Variants in CAB39L observed in about 807,000 individuals in gnomAD.
The protein encoded by CAB39L is calcium-binding protein 39-like.
Under a neutral mutation model 39.1 loss-of-function variants are expected in CAB39L, and 23 were observed. The observed-to-expected ratio is 0.59, with a 90% CI of 0.42 to 0.83. The LOEUF is 0.83. Ranked by LOEUF, CAB39L falls within the 40% of genes least tolerant of loss-of-function variation. The pLI is 0.00. For missense variants in CAB39L, 366 were observed against 391.9 expected, an observed-to-expected ratio of 0.93 and a Z score of 0.56; for synonymous variants, 126 against 137.2, an observed-to-expected ratio of 0.92 and a Z score of 0.57.
chr13:49,344,239 C>T lies in CAB39L; in HGVS notation c.565-1G>A, dbSNP rs766085132. 6.3e-7 allele frequency: 1 copy of T among 1,581,024 alleles called. No homozygotes were observed. Among genetic ancestry groups the T allele is most frequent in the Admixed American group, 1.7e-5 (1 of 59,204 alleles). On this transcript the variant is annotated splice_acceptor_variant, in intron 7 of 10. Coordinates refer to ENST00000409308, the MANE Select transcript of CAB39L (RefSeq NM_001079670.3). LOFTEE classifies it high-confidence loss of function. ...ACACTTTATGTCTGGTTAGTAAATC[C>T]TAGAAAAAGAAAAACCAAGTGAAAC...
At chr13:49,360,296 C>T (rs1487962594) in intron 5 of CAB39L, among the ~76,000 whole-genome samples, 2 of 152,200 alleles carry the variant, frequency 1.3e-5, no homozygotes, top group East Asian at 3.9e-4. Flanking sequence ...GTATTTTTTG[C>T]TTTCACGTTA....
At chr13:49,334,839 A>C (rs947470670) in intron 9 of CAB39L, among the ~76,000 whole-genome samples, 1 of 152,222 alleles carries the variant, frequency 6.6e-6, no homozygotes, top group Non-Finnish European at 1.5e-5. Flanking sequence ...CTCAAGATGA[A>C]GGGTAACCTG....
At chr13:49,370,517 T>C (rs1458435226) in intron 5 of CAB39L, among the ~76,000 whole-genome samples, 1 of 152,192 alleles carries the variant, frequency 6.6e-6, no homozygotes, top group African/African-American at 2.4e-5. Flanking sequence ...CCTCTGGCCC[T>C]CTTTTGGTCA....
chr13:49,341,399 C>T (rs1296387386), intron 8 of CAB39L, among the ~76,000 whole-genome samples: 5 of 152,040 alleles, frequency 3.3e-5, no homozygotes, highest in African/African-American at 1.2e-4. Flanking sequence ...ATTACAGGCA[C>T]CCGCCACCAC....
chr13:49,391,503 T>A (rs540032396), intron 3 of CAB39L, among the ~76,000 whole-genome samples: 120 of 152,268 alleles, frequency 7.9e-4, no homozygotes, highest in African/African-American at 2.8e-3. Context: ...GCAAAATGTT[T>A]TTTAAAAAAT....
chr13:49,356,155 G>C (rs1375756254), intron 6 of CAB39L, among the ~76,000 whole-genome samples: 1 of 152,142 alleles, frequency 6.6e-6, no homozygotes, highest in Non-Finnish European at 1.5e-5. Context: ...GTCACCAACT[G>C]AACCCATTGC....
chr13:49,339,462 T>C (rs1443356647), intron 9 of CAB39L, among the ~76,000 whole-genome samples: 2 of 152,204 alleles, frequency 1.3e-5, no homozygotes, highest in Non-Finnish European at 2.9e-5. Flanking sequence ...TTACTTATCA[T>C]GTACTTATAT....
chr13:49,435,935 A>G (rs905153507), intron 1 of CAB39L, among the ~76,000 whole-genome samples: 3 of 152,238 alleles, frequency 2.0e-5, no homozygotes, highest in Admixed American at 6.5e-5. Flanking sequence ...TCTTTGTGAT[A>G]TAAGTCCAAA....
rs1953915175 is a variant in CAB39L, at chr13:49,309,065, CT to C, written c.*1748del. 1 of 152,200 alleles carries C rather than the reference CT, an allele frequency of 6.6e-6. No homozygotes were observed. The highest frequency in any genetic ancestry group is 1.5e-5 in the Non-Finnish European group (1 of 68,036). 9.4% of individuals were successfully genotyped at this position (152,200 alleles called of 1,614,324 possible). A position where few individuals can be genotyped will look rare whatever the true frequency, so the allele number is the denominator to read the frequency against. On this transcript the variant is annotated 3_prime_UTR_variant, in exon 11 of 11. Coordinates refer to ENST00000409308, the MANE Select transcript of CAB39L (RefSeq NM_001079670.3). Reference sequence around the variant, plus strand: ...GGTTATTTCACCTTCATTTTTTATACTTACACTCATCTCTTTTAATTAAATA... The same window carrying C: ...GGTTATTTCACCTTCATTTTTTATACTACACTCATCTCTTTTAATTAAATA...
chr13:49,376,622 G>A (rs1300509898), intron 5 of CAB39L, among the ~76,000 whole-genome samples: 1 of 151,918 alleles, frequency 6.6e-6, no homozygotes, highest in Non-Finnish European at 1.5e-5. Flanking sequence ...TATAACATGG[G>A]GCTAATAATA....
intron 10 of CAB39L, among the ~76,000 whole-genome samples, chr13:49,313,115 T>G (rs1490037930): frequency 6.6e-6 from 1 of 152,208 alleles, no homozygotes; most frequent in African/African-American, 2.4e-5. Flanking sequence ...CAAACGTGAA[T>G]AGTCCTCCTC....
In CAB39L at chr13:49,359,784, T is replaced by C. The variant is rs773269193; in HGVS notation, c.325A>G (p.Ile109Val). The stretch of plus-strand genomic sequence containing the variant: ...TCCACAGTAGGACTCCGAGTGCCTA[T>C]CTGTCTTCTCAAGATGTTGTTAAAT... ...QIFNNILRRQIGTRSPTVEYI... is the reference protein window; with the variant it reads ...QIFNNILRRQVGTRSPTVEYI... Residue 109 changes from isoleucine to valine, a missense_variant, in exon 6 of 11, where the codon ATA (isoleucine) becomes GTA (valine). Transcript: ENST00000409308. 17 of 1,613,148 alleles carry C rather than the reference T, an allele frequency of 1.1e-5. No homozygotes were observed. Among genetic ancestry groups the C allele is most frequent in the Admixed American group, 3.3e-5 (2 of 59,976 alleles).
In CAB39L at chr13:49,309,176, G is replaced by A. The variant is rs1265838683; in HGVS notation, c.*1638C>T. ...ATAATCTGACGTCAGTGACTAAAGA[G>A]TACGGGTCATCAGGCTGCCGGCCGG... is the stretch of plus-strand genomic sequence containing the variant. On this transcript the variant is annotated 3_prime_UTR_variant, in exon 11 of 11. Transcript: ENST00000409308. 1 of 152,256 alleles carries A rather than the reference G, an allele frequency of 6.6e-6. No homozygotes were observed. The highest frequency in any genetic ancestry group is 6.5e-5 in the Admixed American group (1 of 15,284). The allele number at this position is 152,256 out of a possible 1,614,324, so 9.4% of individuals were successfully genotyped here. A position where few individuals can be genotyped will look rare whatever the true frequency, so the allele number is the denominator to read the frequency against.
chr13:49,331,044 A>G (rs1187398923), intron 10 of CAB39L, among the ~76,000 whole-genome samples: 1 of 152,192 alleles, frequency 6.6e-6, no homozygotes, highest in Non-Finnish European at 1.5e-5. Flanking sequence ...TACACTGTGA[A>G]TACAGCTGTA....
intron 6 of CAB39L, among the ~76,000 whole-genome samples, chr13:49,358,421 G>T (rs149243089): frequency 3.9e-4 from 60 of 152,278 alleles, no homozygotes; most frequent in African/African-American, 1.4e-3. Flanking sequence ...TCTTGTCAAA[G>T]ATACTGCTTA....
intron 3 of CAB39L, among the ~76,000 whole-genome samples, chr13:49,387,519 C>G (rs2138608888): frequency 6.6e-6 from 1 of 152,266 alleles, no homozygotes; most frequent in African/African-American, 2.4e-5. Context: ...TGACAGCAGG[C>G]CATGCAGCAC....
chr13:49,420,586 T>C (rs1957155534), intron 3 of CAB39L: 1 of 152,494 alleles, frequency 6.6e-6, no homozygotes, highest in East Asian at 1.9e-4. Context: ...GACTTAGTCC[T>C]GGACAATAAA....
chr13:49,353,375 C>T (rs1357128647), intron 6 of CAB39L, among the ~76,000 whole-genome samples: 5 of 152,058 alleles, frequency 3.3e-5, no homozygotes, highest in African/African-American at 4.8e-5. Flanking sequence ...GGCTGTTGGC[C>T]TAGAGAAAGA....
chr13:49,362,238 C>T (rs1955656924), intron 5 of CAB39L, among the ~76,000 whole-genome samples: 1 of 151,932 alleles, frequency 6.6e-6, no homozygotes, highest in Admixed American at 6.6e-5. Flanking sequence ...ATGACCTCAA[C>T]AACTGAACTA....
Sources: allele counts gnomAD v4.1 joint callset (sites outside exome capture counted in the v4.1 genomes callset), GRCh38; gene constraint gnomAD v4.1.1; transcripts MANE v1.5; gene names NCBI Gene and HGNC (gene_info 2026-07-23, HGNC 2026-07-21).